The following STK11IP variants were observed in gnomAD, a reference collection of about 807,000 sequenced individuals.
STK11IP encodes the protein serine/threonine kinase 11 interacting protein.
Under a neutral mutation model 131.7 loss-of-function variants are expected in STK11IP, and 103 were observed. The ratio of observed to expected loss-of-function variants is 0.78; its 90% CI spans 0.67 to 0.92. The LOEUF is 0.92. Ranked by LOEUF, STK11IP falls within the 40% of genes least tolerant of loss-of-function variation. The pLI, the probability that STK11IP is intolerant of heterozygous loss-of-function variation, is 0.00. For missense variants in STK11IP, 1,315 were observed against 1,385.7 expected, an observed-to-expected ratio of 0.95 and a Z score of 0.81; for synonymous variants, 557 against 575.6, an observed-to-expected ratio of 0.97 and a Z score of 0.46.
chr2:219,601,905 C>A, intron 4 of STK11IP, 83 bp from the exon 5 acceptor site: 1 of 1,359,758 alleles, frequency 7.4e-7, no homozygotes, highest in South Asian at 1.2e-5. Flanking sequence ...GTGGTCTTCT[C>A]CCTCCTCCCA....
At chr2:219,598,004 T>A (rs183377424) in intron 1 of STK11IP, 81 bp downstream of exon 1, 1 of 1,586,472 alleles carries the variant, frequency 6.3e-7, no homozygotes. Context: ...CGCCTTTTTC[T>A]CCGCATGACG....
rs1559188072 is a variant in STK11IP at position 219,613,818 on chromosome 2, G to A, written c.2604G>A (p.Glu868=). 1 of 1,612,326 alleles carries A rather than the reference G, an allele frequency of 6.2e-7. No homozygotes were observed. Among genetic ancestry groups the A allele is most frequent in the Non-Finnish European group, 8.5e-7 (1 of 1,179,658 alleles). The change falls in exon 21 of 25, where the codon GAG becomes GAA. Residue 868 remains glutamate, a synonymous_variant. Coordinates refer to ENST00000456909, the MANE Select transcript of STK11IP (RefSeq NM_052902.4). ...AVPLQDLSGI[E]LGLAGQSLRL... ...CCCTGCAGGATCTGAGTGGCATAGAGCTGGGCCTGGCAGGCCAGAGCCTGC... is the reference window on the plus strand; with the variant it reads ...CCCTGCAGGATCTGAGTGGCATAGAACTGGGCCTGGCAGGCCAGAGCCTGC...
At chr2:219,614,370 CT>C in intron 22 of STK11IP, 105 bp from the exon 23 acceptor site, 1 of 1,507,942 alleles carries the variant, frequency 6.6e-7, no homozygotes, top group East Asian at 2.3e-5. Flanking sequence ...TTATGGGCCC[CT>C]AGTGTCTCCT....
At chr2:219,609,736 T>A in intron 17 of STK11IP, 196 bp downstream of exon 17, 6 of 529,820 alleles carry the variant, frequency 1.1e-5, no homozygotes, top group Non-Finnish European at 1.9e-5. Flanking sequence ...AAGAAGAAAC[T>A]ATATCCTGTT....
At chr2:219,605,042 T>A (rs752774886) in intron 7 of STK11IP, among the ~76,000 whole-genome samples, 2 of 152,138 alleles carry the variant, frequency 1.3e-5, no homozygotes, top group African/African-American at 2.4e-5. Flanking sequence ...GTTGGCCAGG[T>A]GAGTCTCGAA....
chr2:219,605,934 T>C lies in STK11IP; in HGVS notation c.746-22T>C, dbSNP rs757671196. ...CGTGTACTCATCCACATGCTCTTCCTTCCTTCTTGCGTCCACCCCAGGCCT... is the reference window on the plus strand; with the variant it reads ...CGTGTACTCATCCACATGCTCTTCCCTCCTTCTTGCGTCCACCCCAGGCCT... On this transcript the variant is annotated intron_variant, in intron 8 of 24. Coordinates refer to ENST00000456909, the MANE Select transcript of STK11IP (RefSeq NM_052902.4). 3 of 1,577,676 alleles carry C rather than the reference T, an allele frequency of 1.9e-6. No homozygotes were observed. In the South Asian group the frequency reaches 3.5e-5, roughly 18 times the overall value.
At chr2:219,610,552 A>G (rs611865) in intron 17 of STK11IP, among the ~76,000 whole-genome samples, 148,125 of 152,176 alleles carry the variant, frequency 0.97, 72,229 homozygotes, top group East Asian at 1. Flanking sequence ...ACAGGCGCCC[A>G]CCACCACACC....
At position 219,616,064 on chromosome 2, in the gene STK11IP, T is replaced by C. The variant is rs762298818; in HGVS notation, c.3138T>C (p.Phe1046=). ...FYDEVSRLES[F]WALRVVCQEQ... is the part of the protein sequence containing the mutation. ...GCCAGGTGTCCCGGCTGGAGAGCTT[T>C]TGGGCACTCCGTGTGGTGTGTCAGG... The change falls in exon 25 of 25, where the codon TTT becomes TTC. Residue 1046 remains phenylalanine, a synonymous_variant. Transcript: ENST00000456909. 5 of 1,613,838 alleles carry C rather than the reference T, an allele frequency of 3.1e-6. No homozygotes were observed. In the South Asian group the frequency reaches 4.4e-5, roughly 14 times the overall value.
intron 5 of STK11IP, 141 bp downstream of exon 5, chr2:219,602,224 G>A (rs1020568687): frequency 2.3e-5 from 16 of 685,754 alleles, no homozygotes; most frequent in African/African-American, 5.4e-5. Flanking sequence ...CTGTGTTCCC[G>A]CAGCACTCTG....
At position 219,608,627 on chromosome 2, in the gene STK11IP, GA is replaced by G. The variant is rs769435889; in HGVS notation, c.1649del (p.Glu550GlyfsTer41). On this transcript the variant is annotated frameshift_variant, in exon 15 of 25. Transcript: ENST00000456909. LOFTEE classifies it high-confidence loss of function. The part of the protein sequence containing the change: ...PLLVCPLEGP[E>X]GVRGRECFLR... ...GTTGGTGTGTCCCCTGGAGGGGCCT[GA>G]GGGCGTACGGGGCAGGGAATGCTTT... 1 of 1,612,292 alleles carries G rather than the reference GA, an allele frequency of 6.2e-7. No individual in the cohort carries two copies. Among genetic ancestry groups the G allele is most frequent in the African/African-American group, 1.3e-5 (1 of 74,914 alleles).
chr2:219,598,898 C>T (rs866845927), intron 2 of STK11IP, among the ~76,000 whole-genome samples: 1 of 152,140 alleles, frequency 6.6e-6, no homozygotes, highest in Admixed American at 6.5e-5. Flanking sequence ...AGATTTTTCA[C>T]TTTTTTGAAC....
intron 17 of STK11IP, among the ~76,000 whole-genome samples, chr2:219,610,491 C>T (rs611780): frequency 0.87 from 132,337 of 152,098 alleles, 60,483 homozygotes; most frequent in Non-Finnish European, 1. Context: ...CAAGCTCTGC[C>T]TTCCGGGTTC....
chr2:219,598,098 C>T lies in STK11IP; in HGVS notation c.-22C>T, dbSNP rs1478960154. 3 of 1,585,318 alleles carry T rather than the reference C, an allele frequency of 1.9e-6. No individual in the cohort carries two copies. Among genetic ancestry groups the T allele is most frequent in the African/African-American group, 2.7e-5 (2 of 73,618 alleles). On this transcript the variant is annotated 5_prime_UTR_variant, in exon 2 of 25. Transcript: ENST00000456909. ...GCTTCCTCTTTCCCCCCCCAGGCTC[C>T]GCCCCCCAGCGTCCCGTGGCCATGA...
intron 2 of STK11IP, 84 bp downstream of exon 2, chr2:219,598,264 T>C: frequency 3.8e-6 from 4 of 1,051,620 alleles, no homozygotes; most frequent in South Asian, 1.6e-5. Context: ...CTGAGAGTCA[T>C]GGAGTTACGA....
At chr2:219,609,961 G>T in intron 17 of STK11IP, 1 of 214,412 alleles carries the variant, frequency 4.7e-6, no homozygotes, top group Non-Finnish European at 9.6e-6. Flanking sequence ...GAGATGCTTG[G>T]GGAGTTGGCT....
chr2:219,613,035 C>A, intron 19 of STK11IP, 93 bp from the exon 20 acceptor site: 3 of 955,086 alleles, frequency 3.1e-6, no homozygotes, highest in African/African-American at 1.6e-5. Flanking sequence ...GAGGGTCAGG[C>A]CGAGGGTGCT....
intron 17 of STK11IP, among the ~76,000 whole-genome samples, chr2:219,610,410 C>CT (rs1437841159): frequency 1.5e-5 from 2 of 136,588 alleles, no homozygotes; most frequent in African/African-American, 5.3e-5. Flanking sequence ...TTTTTTTTTT[C>CT]TTTTTTTTTT....
At chr2:219,601,832 C>A in intron 4 of STK11IP, 117 bp downstream of exon 4, 1 of 1,281,254 alleles carries the variant, frequency 7.8e-7, no homozygotes, top group South Asian at 1.3e-5. Flanking sequence ...ACCCATTGCT[C>A]TGCAGTCATG....
At chr2:219,603,929 G>C (rs774750575) in intron 7 of STK11IP, among the ~76,000 whole-genome samples, 1 of 152,178 alleles carries the variant, frequency 6.6e-6, no homozygotes, top group Non-Finnish European at 1.5e-5. Flanking sequence ...CATTTTAAAA[G>C]GAGAGTGAGG....
Sources: gnomAD v4.1 joint callset for allele counts (sites outside exome capture counted in the v4.1 genomes callset) on GRCh38, gnomAD v4.1.1 for gene constraint, MANE v1.5 for transcripts, NCBI Gene and HGNC (gene_info 2026-07-23, HGNC 2026-07-21) for gene names.